TNIK: variants seen among roughly 807,000 people sequenced by gnomAD.
TNIK encodes the protein TRAF2 and NCK interacting kinase, also known as TRAF2 and NCK-interacting protein kinase.
In TNIK, 49 loss-of-function variants were observed where a neutral mutation model predicts 191.3. The observed-to-expected ratio is 0.26, with a 90% CI of 0.20 to 0.32. TNIK has a LOEUF of 0.32. Ranked by LOEUF, TNIK falls within the 10% of genes least tolerant of loss-of-function variation. TNIK has a pLI of 1.00. For synonymous variants in TNIK, 594 were observed against 600.9 expected (o/e 0.99, Z 0.17); for missense variants, 1,155 against 1,702.3 (o/e 0.68, Z 5.66).
Position 171,058,670 on chromosome 3 carries a change from A to G in TNIK, c.*5211T>C, listed in dbSNP as rs1717564782. ...TGAGGTTATAATCCAGTTTTAGCAA[A>G]TGTTTGACAATTTAAAATACTTTTG... On this transcript the variant is annotated 3_prime_UTR_variant, in exon 33 of 33. Transcript: ENST00000436636. Among the ~76,000 whole-genome samples, 1 of 152,198 alleles carries G rather than the reference A, an allele frequency of 6.6e-6. No individual in the cohort carries two copies. Among genetic ancestry groups the G allele is most frequent in the South Asian group, 2.1e-4 (1 of 4,834 alleles).
Position 171,100,114 on chromosome 3 carries a change from A to G in TNIK, c.2591+1335T>C, listed in dbSNP as rs142360461. Among the ~76,000 whole-genome samples, 346 of 152,344 alleles carry G rather than the reference A, an allele frequency of 2.3e-3. 1 individual carries two copies. The highest frequency in any genetic ancestry group is 8.0e-3 in the African/African-American group (331 of 41,590). ...CTCTCATCCTGATGCTTGCATGCTC[A>G]GTGCTTAAAAGGAGTTCAAAACATC... On this transcript the variant is annotated intron_variant, in intron 22 of 32. Coordinates refer to ENST00000436636, the MANE Select transcript of TNIK (RefSeq NM_015028.4).
At chr3:171,417,876 A>G (rs1723289264) in intron 1 of TNIK, among the ~76,000 whole-genome samples, 1 of 152,208 alleles carries the variant, frequency 6.6e-6, no homozygotes, top group Admixed American at 6.5e-5. Flanking sequence ...TGAACTCCAG[A>G]TAGACTTCAG....
In TNIK at chr3:171,219,715, T is replaced by G. The variant is rs1742050189; in HGVS notation, c.180+8450A>C. Among the ~76,000 whole-genome samples the G allele has an allele frequency of 4.6e-5, 7 of 152,172 alleles. No homozygotes were observed. In the South Asian group the frequency reaches 1.5e-3, roughly 32 times the overall value. On this transcript the variant is annotated intron_variant, in intron 3 of 32. Transcript: ENST00000436636. ...AGATACCATCTCATGCCAGTTAGCA[T>G]GACGATCATTAAAAAGTCAGGAAAC... is the stretch of plus-strand genomic sequence containing the variant.
At chr3:171,069,024 G>T in intron 29 of TNIK, 27 bp from the exon 30 acceptor site, 1 of 1,593,954 alleles carries the variant, frequency 6.3e-7, no homozygotes, top group Non-Finnish European at 8.5e-7. Context: ...ATTAGTATCC[G>T]CATCACTCAA....
chr3:171,204,890 G>C (rs1422345874), intron 4 of TNIK, among the ~76,000 whole-genome samples: 1 of 152,162 alleles, frequency 6.6e-6, no homozygotes, highest in African/African-American at 2.4e-5. Flanking sequence ...TAGCTAGCAT[G>C]CTGGCTTCAT....
chr3:171,118,811 T>C (rs1483762003), intron 18 of TNIK, among the ~76,000 whole-genome samples: 3 of 152,294 alleles, frequency 2.0e-5, no homozygotes, highest in Admixed American at 1.3e-4. Context: ...AAGACTTAAA[T>C]GTTAGACCTA....
At chr3:171,194,474 T>A in intron 5 of TNIK, 51 bp downstream of exon 5, 2 of 1,480,754 alleles carry the variant, frequency 1.4e-6, no homozygotes, top group Non-Finnish European at 1.9e-6. Context: ...TAAGATATCA[T>A]GTGTTGCTTG....
chr3:171,427,404 CCTTTT>C (rs1560060508), intron 1 of TNIK, among the ~76,000 whole-genome samples: 1 of 152,130 alleles, frequency 6.6e-6, no homozygotes, highest in African/African-American at 2.4e-5. Context: ...CCTTTGATCC[CCTTTT>C]CTTAGGCATA....
intron 21 of TNIK, among the ~76,000 whole-genome samples, chr3:171,103,079 TTTTAAA>T (rs1723870431): frequency 6.6e-6 from 1 of 152,190 alleles, no homozygotes; most frequent in East Asian, 1.9e-4. Context: ...GCAAAATGGC[TTTTAAA>T]TTTGTCTTGA....
intron 2 of TNIK, among the ~76,000 whole-genome samples, chr3:171,349,531 GT>G (rs1712792579): frequency 1.3e-5 from 2 of 152,188 alleles, no homozygotes. Context: ...TCACTTCAGG[GT>G]GAGGAAGAAG....
intron 2 of TNIK, among the ~76,000 whole-genome samples, chr3:171,237,800 T>C (rs1744477704): frequency 6.6e-6 from 1 of 152,126 alleles, no homozygotes; most frequent in Non-Finnish European, 1.5e-5. Flanking sequence ...CATGCACCTG[T>C]AGTCCCAGCT....
intron 10 of TNIK, among the ~76,000 whole-genome samples, chr3:171,162,223 C>T (rs545589718): frequency 6.6e-6 from 1 of 152,060 alleles, no homozygotes; most frequent in South Asian, 2.1e-4. Flanking sequence ...AGATCGAGAC[C>T]ATCTAGGCTA....
chr3:171,110,631 G>A, intron 19 of TNIK, 83 bp downstream of exon 19: 1 of 1,472,318 alleles, frequency 6.8e-7, no homozygotes, highest in Non-Finnish European at 9.1e-7. Flanking sequence ...CTGGACTAGA[G>A]TCAGGAAGTA....
intron 15 of TNIK, among the ~76,000 whole-genome samples, chr3:171,133,781 G>A (rs1729623639): frequency 6.6e-6 from 1 of 152,124 alleles, no homozygotes; most frequent in Admixed American, 6.5e-5. Context: ...AATCACTTAG[G>A]TATAGAGCAG....
chr3:171,257,039 A>G (rs1746963332), intron 2 of TNIK, among the ~76,000 whole-genome samples: 1 of 152,190 alleles, frequency 6.6e-6, no homozygotes, highest in Non-Finnish European at 1.5e-5. Context: ...CTGGTTTTAA[A>G]GTGGAACTGA....
intron 3 of TNIK, among the ~76,000 whole-genome samples, chr3:171,213,372 C>G (rs968969801): frequency 6.6e-6 from 1 of 152,090 alleles, no homozygotes; most frequent in African/African-American, 2.4e-5. Flanking sequence ...AAGGCAACTA[C>G]GTGAGGTAAT....
At chr3:171,258,676 G>A (rs903863794) in intron 2 of TNIK, among the ~76,000 whole-genome samples, 4 of 152,208 alleles carry the variant, frequency 2.6e-5, no homozygotes, top group South Asian at 2.1e-4. Context: ...TTAGGACTTC[G>A]CTCCATTTCT....
chr3:171,073,254 CA>C (rs1416926354), intron 28 of TNIK, among the ~76,000 whole-genome samples: 1 of 152,120 alleles, frequency 6.6e-6, no homozygotes, highest in Non-Finnish European at 1.5e-5. Flanking sequence ...CACATACCTA[CA>C]ACCAACTGAT....
intron 1 of TNIK, among the ~76,000 whole-genome samples, chr3:171,392,782 A>T (rs1719726734): frequency 6.8e-6 from 1 of 147,498 alleles, no homozygotes; most frequent in East Asian, 1.9e-4. Context: ...CTGTCTCAAA[A>T]AAAAAAAAAA....
Sources: gnomAD v4.1 joint callset for allele counts (sites outside exome capture counted in the v4.1 genomes callset) on GRCh38, gnomAD v4.1.1 for gene constraint, MANE v1.5 for transcripts, NCBI Gene and HGNC (gene_info 2026-07-23, HGNC 2026-07-21) for gene names.